Variants in ABCC2 observed in about 807,000 individuals in gnomAD.
The protein encoded by ABCC2 is ATP-binding cassette sub-family C member 2.
In ABCC2, 157 loss-of-function variants were observed where a neutral mutation model predicts 173.4. The ratio of observed to expected loss-of-function variants is 0.91; its 90% CI spans 0.80 to 1.03. The LOEUF (loss-of-function observed/expected upper bound fraction) is 1.03, where lower values mean the gene tolerates loss of function less well. ABCC2 is among the 50% of genes least tolerant of loss of function. The pLI is 0.00. For missense variants in ABCC2, 1,822 were observed against 1,852.3 expected (o/e 0.98, Z 0.30); for synonymous variants, 657 against 693.5 (o/e 0.95, Z 0.83).
intron 16 of ABCC2, among the ~76,000 whole-genome samples, chr10:99,814,622 TACACACATATGTGTATATACACATATAC>T (rs1564685593): frequency 0.073 from 1,625 of 22,380 alleles, 171 homozygotes; most frequent in African/African-American, 0.18. Context: ...TATACACATA[TACACACATATGTGTATATACACATATAC>T]ACACACATAT....
intron 25 of ABCC2, among the ~76,000 whole-genome samples, chr10:99,841,361 T>G (rs1291436566): frequency 2.6e-5 from 4 of 152,084 alleles, no homozygotes; most frequent in Non-Finnish European, 5.9e-5. Flanking sequence ...AAGACCAGCT[T>G]GGGCAACATG....
At chr10:99,799,430 C>A in intron 8 of ABCC2, 60 bp downstream of exon 8, 1 of 1,546,766 alleles carries the variant, frequency 6.5e-7, no homozygotes, top group South Asian at 1.1e-5. Flanking sequence ...TCCTTTTTGC[C>A]ACTGTGTATG....
intron 17 of ABCC2, among the ~76,000 whole-genome samples, chr10:99,818,096 G>T (rs973864083): frequency 6.6e-6 from 1 of 152,032 alleles, no homozygotes; most frequent in South Asian, 2.1e-4. Context: ...GGTAGCAGGC[G>T]CCTGTAGTCC....
chr10:99,800,151 A>T (rs1265687545), intron 8 of ABCC2, among the ~76,000 whole-genome samples: 1 of 152,190 alleles, frequency 6.6e-6, no homozygotes, highest in East Asian at 1.9e-4. Flanking sequence ...ATGAACTATG[A>T]TCCTGCCACT....
At chr10:99,803,633 C>T (rs1023038808) in intron 9 of ABCC2, among the ~76,000 whole-genome samples, 1 of 152,066 alleles carries the variant, frequency 6.6e-6, no homozygotes, top group East Asian at 1.9e-4. Context: ...AATTATGGTT[C>T]ATTGTGATGA....
chr10:99,829,240 T>TA (rs1462601408), intron 19 of ABCC2, among the ~76,000 whole-genome samples: 1 of 152,196 alleles, frequency 6.6e-6, no homozygotes, highest in East Asian at 1.9e-4. Context: ...CAGTGGCTGC[T>TA]AGGCTGCTGG....
intron 30 of ABCC2, among the ~76,000 whole-genome samples, 159 bp downstream of exon 30, chr10:99,847,286 T>C (rs751698352): frequency 9.2e-5 from 14 of 152,194 alleles, no homozygotes; most frequent in Non-Finnish European, 1.5e-4. Context: ...CAAGATAAAA[T>C]AGATGTGAAA....
chr10:99,807,823 G>A (rs902984317), intron 12 of ABCC2, among the ~76,000 whole-genome samples: 1 of 152,164 alleles, frequency 6.6e-6, no homozygotes, highest in African/African-American at 2.4e-5. Context: ...TTTGGGAGGT[G>A]GTGTAGGTCT....
In ABCC2 at chr10:99,845,607, G is replaced by C; in HGVS notation, c.3988-17G>C. On this transcript the variant is annotated splice_polypyrimidine_tract_variant and intron_variant, in intron 28 of 31. Coordinates refer to ENST00000647814, the MANE Select transcript of ABCC2 (RefSeq NM_000392.5). ...AATTATTTGTGGAACTAATGTGTAA[G>C]GGAACTATATTCGCAGATTGGTGTG... The C allele has an allele frequency of 6.2e-7, 1 of 1,614,024 alleles. No homozygotes were observed. Among genetic ancestry groups the C allele is most frequent in the Non-Finnish European group, 8.5e-7 (1 of 1,179,962 alleles).
chr10:99,793,563 C>G lies in ABCC2; in HGVS notation c.346C>G (p.Leu116Val). 6.2e-7 allele frequency: 1 copy of G among 1,614,104 alleles called. No individual in the cohort carries two copies. Among genetic ancestry groups the G allele is most frequent in the Non-Finnish European group, 8.5e-7 (1 of 1,179,998 alleles). ...LYLGTWLLVL[L>V]IQYSRQWCVQ... is the part of the protein sequence containing the mutation. Reference sequence around the variant, plus strand: ...AATTTCTCTCCAGCTCCTGGTTTTGCTGATCCAATACAGCAGACAATGGTG... The same window carrying G: ...AATTTCTCTCCAGCTCCTGGTTTTGGTGATCCAATACAGCAGACAATGGTG... The change falls in exon 4 of 32, where the codon CTG becomes GTG. Residue 116 changes from leucine (L) to valine (V), a missense_variant. Physicochemically the swap from Leu to Val is conservative, Grantham distance 32. Transcript: ENST00000647814.
intron 2 of ABCC2, among the ~76,000 whole-genome samples, chr10:99,790,110 A>C (rs1401649567): frequency 6.6e-6 from 1 of 152,210 alleles, no homozygotes; most frequent in Admixed American, 6.5e-5. Context: ...CTATAGGATA[A>C]ATTCCCAAAA....
rs2038052171 is a variant in ABCC2, at chr10:99,803,908, G to A, written c.1210-111G>A. The stretch of plus-strand genomic sequence containing the variant: ...AGTCACAGTGCCTTGGAGAAGCTGT[G>A]TCCATATGGAGCACATCCTTCCATT... On this transcript the variant is annotated intron_variant, in intron 9 of 31. Transcript: ENST00000647814. 19 of 1,392,776 alleles carry A rather than the reference G, an allele frequency of 1.4e-5. No individual in the cohort carries two copies. In the South Asian group the frequency reaches 2.3e-4, roughly 17 times the overall value. 86.3% of individuals were successfully genotyped at this position (1,392,776 alleles called of 1,614,324 possible). A position where few individuals can be genotyped will look rare whatever the true frequency, so the allele number is the denominator to read the frequency against.
At chr10:99,833,123 C>G (rs1470993633) in intron 23 of ABCC2, among the ~76,000 whole-genome samples, 3 of 152,228 alleles carry the variant, frequency 2.0e-5, no homozygotes, top group African/African-American at 7.2e-5. Context: ...TCTGGGGACA[C>G]AGTAACTGCT....
intron 2 of ABCC2, among the ~76,000 whole-genome samples, chr10:99,788,405 A>C (rs1417079619): frequency 1.3e-5 from 2 of 152,140 alleles, no homozygotes; most frequent in Admixed American, 1.3e-4. Context: ...CTTCAGTCAT[A>C]TCCCACCCCC....
At chr10:99,823,000 C>T (rs2038564701) in intron 19 of ABCC2, among the ~76,000 whole-genome samples, 1 of 151,776 alleles carries the variant, frequency 6.6e-6, no homozygotes, top group Non-Finnish European at 1.5e-5. Flanking sequence ...GAAGTACTTT[C>T]TCCTGTTTGG....
chr10:99,849,535 C>T (rs1172272029), intron 30 of ABCC2, among the ~76,000 whole-genome samples: 2 of 152,174 alleles, frequency 1.3e-5, no homozygotes, highest in African/African-American at 4.8e-5. Context: ...GCCTGGGGGA[C>T]TAAAACTTAC....
At chr10:99,813,198 G>C in intron 16 of ABCC2, 54 bp downstream of exon 16, 5 of 1,598,394 alleles carry the variant, frequency 3.1e-6, no homozygotes, top group Non-Finnish European at 4.3e-6. Flanking sequence ...CAGCAGCTTC[G>C]TGCTTTTGCC....
At chr10:99,814,765 A>T (rs113238420) in intron 16 of ABCC2, among the ~76,000 whole-genome samples, 1 of 133,152 alleles carries the variant, frequency 7.5e-6, no homozygotes, top group Non-Finnish European at 1.6e-5. Flanking sequence ...ACACACACAT[A>T]TATGTGTGTG....
intron 16 of ABCC2, 95 bp from the exon 17 acceptor site, chr10:99,817,213 C>A: frequency 9.0e-7 from 1 of 1,111,172 alleles, no homozygotes; most frequent in Non-Finnish European, 1.4e-6. Context: ...TAAATTTAAG[C>A]TCCATTTGTT....
Sources: gnomAD v4.1 joint callset for allele counts (sites outside exome capture counted in the v4.1 genomes callset) on GRCh38, gnomAD v4.1.1 for gene constraint, MANE v1.5 for transcripts, NCBI Gene and HGNC (gene_info 2026-07-23, HGNC 2026-07-21) for gene names.